STK32A: variants seen among roughly 807,000 people sequenced by gnomAD.
STK32A encodes serine/threonine kinase 32A, also known as serine/threonine-protein kinase 32A.
In STK32A, 41 loss-of-function variants were observed where a neutral mutation model predicts 53.2. That is an observed-to-expected ratio of 0.77 (90% confidence interval 0.60 to 1.00). The LOEUF (loss-of-function observed/expected upper bound fraction) is 1.00, where lower values mean the gene tolerates loss of function less well. STK32A is among the 50% of genes least tolerant of loss of function. The pLI is 0.00. For synonymous variants in STK32A, 166 were observed against 162.8 expected (o/e 1.02, Z -0.15); for missense variants, 458 against 485.8 (o/e 0.94, Z 0.54).
At chr5:147,319,139 CTT>C (rs146817721) in intron 4 of STK32A, among the ~76,000 whole-genome samples, 4,321 of 100,674 alleles carry the variant, frequency 0.043, 129 homozygotes, top group African/African-American at 0.15. Flanking sequence ...ACAACTGGTA[CTT>C]TTTTTTTTTT....
intron 6 of STK32A, among the ~76,000 whole-genome samples, chr5:147,347,321 G>A (rs1370679789): frequency 5.1e-5 from 7 of 137,254 alleles, no homozygotes; most frequent in Non-Finnish European, 9.1e-5. Context: ...AAGCAATAGA[G>A]GCAAAAAAAA....
chr5:147,242,399 C>G (rs1230296490), intron 2 of STK32A, among the ~76,000 whole-genome samples: 3 of 152,126 alleles, frequency 2.0e-5, no homozygotes, highest in African/African-American at 7.2e-5. Flanking sequence ...TGATGGAAGG[C>G]TGACAATAAA....
intron 8 of STK32A, among the ~76,000 whole-genome samples, chr5:147,369,355 T>A (rs1247713308): frequency 6.6e-6 from 1 of 152,210 alleles, no homozygotes; most frequent in Non-Finnish European, 1.5e-5. Flanking sequence ...TCTTGAGGAC[T>A]CATTTTGCTG....
intron 4 of STK32A, among the ~76,000 whole-genome samples, chr5:147,297,657 G>A (rs1203670720): frequency 6.6e-6 from 1 of 152,150 alleles, no homozygotes; most frequent in Non-Finnish European, 1.5e-5. Context: ...GGATTGTGAA[G>A]TCCAGCAGGG....
At chr5:147,291,822 G>T (rs2161747) in intron 4 of STK32A, among the ~76,000 whole-genome samples, 50,709 of 152,016 alleles carry the variant, frequency 0.33, 8,829 homozygotes, top group South Asian at 0.6. Context: ...CAAGATAAAT[G>T]TTATCAGGAC....
rs1226812892 is a variant in STK32A, at chr5:147,317,815, G to GA, written c.261-6077dup. On this transcript the variant is annotated intron_variant, in intron 4 of 12. Coordinates refer to ENST00000397936, the MANE Select transcript of STK32A (RefSeq NM_001112724.2). ...AAAAGAAAAGTTTACAAAACAATCA[G>GA]AAAAAATAAAAAAGATTGAGGATCT... Among the ~76,000 whole-genome samples, 5 of 151,826 alleles carry GA rather than the reference G, an allele frequency of 3.3e-5. No individual in the cohort carries two copies. In the East Asian group the frequency reaches 9.7e-4, roughly 29 times the overall value.
chr5:147,254,785 G>T (rs989658356), intron 2 of STK32A, among the ~76,000 whole-genome samples: 1 of 152,140 alleles, frequency 6.6e-6, no homozygotes, highest in African/African-American at 2.4e-5. Flanking sequence ...TGGAGCAGGT[G>T]ATCTGAATGA....
intron 7 of STK32A, among the ~76,000 whole-genome samples, chr5:147,353,692 G>A (rs1354772768): frequency 2.6e-5 from 4 of 152,144 alleles, no homozygotes; most frequent in South Asian, 2.1e-4. Context: ...CCTGGGAGGC[G>A]GAGGTTGCAG....
At chr5:147,374,316 A>G (rs886922111) in intron 10 of STK32A, among the ~76,000 whole-genome samples, 8 of 151,804 alleles carry the variant, frequency 5.3e-5, no homozygotes, top group African/African-American at 1.9e-4. Context: ...TCTTAAGCCC[A>G]TATGAGGCAT....
intron 1 of STK32A, among the ~76,000 whole-genome samples, chr5:147,236,693 T>C (rs114797276): frequency 0.015 from 2,356 of 152,324 alleles, 74 homozygotes; most frequent in African/African-American, 0.054. Context: ...TGGTTCCCTG[T>C]TTGCATATTA....
intron 7 of STK32A, among the ~76,000 whole-genome samples, chr5:147,355,691 T>C (rs1053618585): frequency 2.7e-5 from 4 of 150,658 alleles, no homozygotes; most frequent in African/African-American, 9.8e-5. Flanking sequence ...AAAAATAAAA[T>C]GAATAAAATA....
chr5:147,370,596 A>AT (rs375706377), intron 8 of STK32A, 58 bp from the exon 9 acceptor site: 7,306 of 1,060,768 alleles, frequency 6.9e-3, no homozygotes, highest in Non-Finnish European at 7.5e-3. Context: ...ACATTTGGAA[A>AT]TTTTTTTTTT....
At chr5:147,366,202 A>C (rs1006571552) in intron 8 of STK32A, among the ~76,000 whole-genome samples, 1 of 152,116 alleles carries the variant, frequency 6.6e-6, no homozygotes, top group African/African-American at 2.4e-5. Flanking sequence ...TCATGAACTC[A>C]TTTTGGCCTC....
At chr5:147,338,835 T>C (rs1039212645) in intron 5 of STK32A, among the ~76,000 whole-genome samples, 1 of 152,220 alleles carries the variant, frequency 6.6e-6, no homozygotes, top group African/African-American at 2.4e-5. Flanking sequence ...AAGAAATTTC[T>C]AAACAGCAAA....
chr5:147,239,547 C>A lies in STK32A; in HGVS notation c.-88C>A. 1 of 1,030,480 alleles carries A rather than the reference C, an allele frequency of 9.7e-7. No individual in the cohort carries two copies. The allele number at this position is 1,030,480 out of a possible 1,614,324, so 63.8% of individuals were successfully genotyped here. On this transcript the variant is annotated 5_prime_UTR_variant, in exon 2 of 13. Transcript: ENST00000397936. ...TTCTTTTCCTATCCTAGATATCCAA[C>A]TAAGGCTTCGGGACATGTTTTGAGC...
At position 147,387,737 on chromosome 5, in the gene STK32A, G is replaced by A. The variant is rs542424655; in HGVS notation, c.*3754G>A. 6.6e-6 allele frequency: 1 copy of A among 152,356 alleles called. No homozygotes were observed. Among genetic ancestry groups the A allele is most frequent in the East Asian group, 1.9e-4 (1 of 5,192 alleles). 9.4% of individuals were successfully genotyped at this position (152,356 alleles called of 1,614,324 possible). ...ATTTCAAACTTCACTTATCTGTGCT[G>A]TTGTGAACAGGCAGCTGATCTGGCA... On this transcript the variant is annotated 3_prime_UTR_variant, in exon 13 of 13. Coordinates refer to ENST00000397936, the MANE Select transcript of STK32A (RefSeq NM_001112724.2).
chr5:147,351,214 G>A, intron 7 of STK32A, 60 bp downstream of exon 7: 2 of 1,400,618 alleles, frequency 1.4e-6, no homozygotes, highest in Non-Finnish European at 1.0e-6. Context: ...TATTACAGGT[G>A]GAATCATCTG....
rs114163676 is a variant in STK32A, at chr5:147,304,195, C to A, written c.261-19703C>A. Among the ~76,000 whole-genome samples the A allele has an allele frequency of 1.7e-3, 253 of 152,308 alleles. 1 individual carries two copies. The highest frequency in any genetic ancestry group is 0.014 in the Middle Eastern group (4 of 294). ...CAACCAATTTTCTAACCTTGTGTCA[C>A]CCACTCAAGATTGAAAGTCCTGGGA... is the stretch of plus-strand genomic sequence containing the variant. On this transcript the variant is annotated intron_variant, in intron 4 of 12. Transcript: ENST00000397936.
At chr5:147,332,640 ATCT>A (rs1007736719) in intron 5 of STK32A, among the ~76,000 whole-genome samples, 5 of 152,048 alleles carry the variant, frequency 3.3e-5, no homozygotes, top group Non-Finnish European at 7.4e-5. Flanking sequence ...GTTTTGGTAA[ATCT>A]TCTTTTCAGT....
Sources: allele counts gnomAD v4.1 joint callset (sites outside exome capture counted in the v4.1 genomes callset), GRCh38; gene constraint gnomAD v4.1.1; transcripts MANE v1.5; gene names NCBI Gene and HGNC (gene_info 2026-07-23, HGNC 2026-07-21).